Variants in ZPLD1 observed in about 807,000 individuals in gnomAD.
ZPLD1 encodes the protein zona pellucida-like domain-containing protein 1.
In ZPLD1, 34 loss-of-function variants were observed where a neutral mutation model predicts 47.2. The ratio of observed to expected loss-of-function variants is 0.72; its 90% CI spans 0.55 to 0.96. The LOEUF (loss-of-function observed/expected upper bound fraction) is 0.96. Ranked by LOEUF, ZPLD1 falls within the 40% of genes least tolerant of loss-of-function variation. The pLI, the probability that ZPLD1 is intolerant of heterozygous loss-of-function variation, is 0.00. For missense variants in ZPLD1, 512 were observed against 505.8 expected (o/e 1.01, Z -0.12); for synonymous variants, 176 against 186.2 (o/e 0.95, Z 0.45).
At chr3:102,455,675 A>G (rs1707401705) in intron 4 of ZPLD1, among the ~76,000 whole-genome samples, 1 of 152,350 alleles carries the variant, frequency 6.6e-6, no homozygotes, top group South Asian at 2.1e-4. Context: ...CCCAGCGAGC[A>G]GGCTGCTCTT....
intron 5 of ZPLD1, among the ~76,000 whole-genome samples, chr3:102,457,333 A>G (rs1707432760): frequency 6.6e-6 from 1 of 152,164 alleles, no homozygotes; most frequent in African/African-American, 2.4e-5. Context: ...CACACACTGA[A>G]CACATTCTTG....
At chr3:102,412,741 G>C (rs762121917) in intron 7 of ZPLD1, among the ~76,000 whole-genome samples, 9 of 151,706 alleles carry the variant, frequency 5.9e-5, no homozygotes, top group Non-Finnish European at 7.4e-5. Flanking sequence ...ATCAAGAACT[G>C]TGAGCTCTGT....
chr3:102,453,234 G>GA (rs56231122), intron 4 of ZPLD1, 95 bp downstream of exon 4: 80 of 1,134,558 alleles, frequency 7.1e-5, no homozygotes, highest in Non-Finnish European at 8.4e-5. Flanking sequence ...TATCTCTTGA[G>GA]AAAAAAAATA....
intron 3 of ZPLD1, among the ~76,000 whole-genome samples, chr3:102,450,828 A>G (rs1383609006): frequency 1.3e-5 from 2 of 152,252 alleles, no homozygotes; most frequent in African/African-American, 2.4e-5. Context: ...ATAGATACTC[A>G]TAAACATTTA....
chr3:102,477,215 T>C (rs969299796), intron 11 of ZPLD1, among the ~76,000 whole-genome samples, 174 bp downstream of exon 11: 11 of 152,120 alleles, frequency 7.2e-5, no homozygotes, highest in Admixed American at 1.3e-4. Flanking sequence ...TTTATAGCAT[T>C]TGATAGCTTT....
chr3:102,430,287 C>T (rs1289304472), upstream of ZPLD1, among the ~76,000 whole-genome samples: 2 of 152,236 alleles, frequency 1.3e-5, no homozygotes, highest in African/African-American at 4.8e-5. Context: ...TCCTTCAATA[C>T]TTTTCAACTG....
intron 8 of ZPLD1, among the ~76,000 whole-genome samples, chr3:102,429,501 T>C (rs1254076541): frequency 6.6e-6 from 1 of 152,154 alleles, no homozygotes; most frequent in Non-Finnish European, 1.5e-5. Context: ...TTTCACTTAG[T>C]TGTATTATCT....
intron 3 of ZPLD1, among the ~76,000 whole-genome samples, chr3:102,447,064 T>A (rs1000451299): frequency 6.6e-6 from 1 of 152,096 alleles, no homozygotes; most frequent in African/African-American, 2.4e-5. Flanking sequence ...TTCTTGTGCA[T>A]CTCATCTTTT....
intron 7 of ZPLD1, among the ~76,000 whole-genome samples, chr3:102,399,218 T>C (rs1349055959): frequency 6.6e-6 from 1 of 152,164 alleles, no homozygotes; most frequent in Non-Finnish European, 1.5e-5. Flanking sequence ...GTAGAGTGAC[T>C]ATTTTAAAAG....
At chr3:102,397,542 C>T (rs550000674) in intron 7 of ZPLD1, among the ~76,000 whole-genome samples, 1 of 152,014 alleles carries the variant, frequency 6.6e-6, no homozygotes, top group South Asian at 2.1e-4. Context: ...AGTAGGAGAA[C>T]TCTGATGAAG....
chr3:102,410,323 G>C (rs1270924526), intron 7 of ZPLD1, among the ~76,000 whole-genome samples: 1 of 151,690 alleles, frequency 6.6e-6, no homozygotes, highest in Middle Eastern at 3.2e-3. Flanking sequence ...TTCAGAATCA[G>C]TATGGGGCAA....
intron 10 of ZPLD1, among the ~76,000 whole-genome samples, chr3:102,475,408 T>C (rs1707744950): frequency 6.6e-6 from 1 of 152,196 alleles, no homozygotes; most frequent in South Asian, 2.1e-4. Context: ...TTGAAACACT[T>C]ATTAGAAAGG....
chr3:102,468,901 T>C (rs1278219980), intron 8 of ZPLD1, 63 bp from the exon 9 acceptor site: 4 of 1,492,312 alleles, frequency 2.7e-6, no homozygotes, highest in Non-Finnish European at 3.6e-6. Context: ...GAAATTAATT[T>C]ACAAGTCCCA....
chr3:102,407,392 AATATATATAT>A (rs63183460), intron 7 of ZPLD1, among the ~76,000 whole-genome samples: 493 of 37,844 alleles, frequency 0.013, 4 homozygotes, highest in East Asian at 0.041. Context: ...TTGATTTTCA[AATATATATAT>A]ATATATATAT....
At chr3:102,441,318 C>T (rs1298460844) in intron 3 of ZPLD1, among the ~76,000 whole-genome samples, 1 of 152,140 alleles carries the variant, frequency 6.6e-6, no homozygotes, top group Non-Finnish European at 1.5e-5. Context: ...TTTACAATGG[C>T]ATCTACTGAC....
At chr3:102,435,658 T>C (rs1576145269) in intron 1 of ZPLD1, among the ~76,000 whole-genome samples, 2 of 134,044 alleles carry the variant, frequency 1.5e-5, no homozygotes, top group East Asian at 1.9e-4. Context: ...TTTTTTTTTT[T>C]CTGAGACGGA....
intron 7 of ZPLD1, among the ~76,000 whole-genome samples, chr3:102,403,791 C>A (rs1176467842): frequency 4.6e-5 from 7 of 151,930 alleles, no homozygotes; most frequent in Non-Finnish European, 7.4e-5. Flanking sequence ...ATGTGAGTAA[C>A]AGGCGGTGTG....
intron 3 of ZPLD1, among the ~76,000 whole-genome samples, chr3:102,444,906 T>A (rs1327655352): frequency 6.6e-6 from 1 of 152,212 alleles, no homozygotes; most frequent in Non-Finnish European, 1.5e-5. Context: ...CAGAGCCTCC[T>A]GCCTGCTCAC....
chr3:102,462,883 T>C (rs1262248221), intron 7 of ZPLD1, among the ~76,000 whole-genome samples: 2 of 152,098 alleles, frequency 1.3e-5, no homozygotes, highest in African/African-American at 4.8e-5. Context: ...CAAACTAAAA[T>C]GGAGCTCAAA....
Sources: allele counts gnomAD v4.1 joint callset (sites outside exome capture counted in the v4.1 genomes callset), GRCh38; gene constraint gnomAD v4.1.1; transcripts MANE v1.5; gene names NCBI Gene and HGNC (gene_info 2026-07-23, HGNC 2026-07-21).